CSMD1: variants seen among roughly 807,000 people sequenced by gnomAD.
The protein encoded by CSMD1 is CUB and sushi domain-containing protein 1.
CSMD1 carries 213 observed loss-of-function variants against 417.5 expected under a neutral mutation model. The ratio of observed to expected loss-of-function variants is 0.51; its 90% CI spans 0.46 to 0.57. The LOEUF (loss-of-function observed/expected upper bound fraction) is 0.57. Among genes scored for constraint, CSMD1 ranks in the 20% least tolerant of loss-of-function variants. The probability of loss-of-function intolerance (pLI) is 0.00; values close to 1 mark genes in which losing one functional copy is unlikely to be tolerated. For synonymous variants in CSMD1, 2,862 were observed against 1,736.8 expected (o/e 1.65, Z -16.11); for missense variants, 6,923 against 4,529.7 (o/e 1.53, Z -15.17).
At chr8:4,203,209 T>A (rs141658958) in intron 3 of CSMD1, among the ~76,000 whole-genome samples, 69 of 152,284 alleles carry the variant, frequency 4.5e-4, no homozygotes, top group African/African-American at 1.6e-3. Flanking sequence ...CTTGCTGGCT[T>A]TGAAGATGGA....
rs138028328 is a variant in CSMD1, at chr8:4,539,340, C to T, written c.302+98002G>A. ...ACATTTTCAGTCTAAATAGACTTCC[C>T]AATCTCTTTCACTAAGCCCATGGAT... On this transcript the variant is annotated intron_variant, in intron 2 of 69. Coordinates refer to ENST00000635120, the MANE Select transcript of CSMD1 (RefSeq NM_033225.6). 1.2e-4 allele frequency among the ~76,000 whole-genome samples: 18 copies of T among 152,258 alleles called. No homozygotes were observed. In the East Asian group the frequency reaches 3.5e-3, roughly 29 times the overall value.
chr8:3,558,410 C>G (rs113935996), intron 10 of CSMD1, among the ~76,000 whole-genome samples: 2 of 67,036 alleles, frequency 3.0e-5, no homozygotes, highest in African/African-American at 1.0e-4. Context: ...CAATGATGAA[C>G]GGTGCCTCAA....
At chr8:3,950,424 G>A (rs555079993) in intron 5 of CSMD1, among the ~76,000 whole-genome samples, 1 of 152,200 alleles carries the variant, frequency 6.6e-6, no homozygotes, top group Non-Finnish European at 1.5e-5. Flanking sequence ...AGTAGCAGAA[G>A]AGAGGTTCTT....
chr8:4,626,025 A>T (rs2724957), intron 2 of CSMD1, among the ~76,000 whole-genome samples: 108,658 of 151,990 alleles, frequency 0.71, 39,184 homozygotes, highest in South Asian at 0.81. Flanking sequence ...TGCTTGGCCA[A>T]CCTTGATATA....
At chr8:3,244,961 T>G (rs1428046808) in intron 26 of CSMD1, among the ~76,000 whole-genome samples, 1 of 152,116 alleles carries the variant, frequency 6.6e-6, no homozygotes, top group African/African-American at 2.4e-5. Context: ...TGAAGTTATT[T>G]TTTGGCTATT....
At chr8:3,870,977 G>T (rs1170109962) in intron 5 of CSMD1, among the ~76,000 whole-genome samples, 1 of 150,508 alleles carries the variant, frequency 6.6e-6, no homozygotes, top group Non-Finnish European at 1.5e-5. Context: ...TTAAATATAA[G>T]TTAATTTTTT....
rs1202546180 is a variant in CSMD1 at position 4,044,679 on chromosome 8, C to T, written c.416-12580G>A. 6.3e-5 allele frequency among the ~76,000 whole-genome samples: 5 copies of T among 79,158 alleles called. No individual in the cohort carries two copies. The East Asian group carries it at 1.3e-3, about 21-fold the overall frequency. 51.9% of individuals were successfully genotyped at this position (79,158 alleles called of 152,430 possible). ...CACCCTGGGCGTGTACCACCCTGGC[C>T]ACCTACAATCCTGGCTGCGTACAAC... On this transcript the variant is annotated intron_variant, in intron 3 of 69. Transcript: ENST00000635120.
chr8:3,562,358 G>A (rs1799503803), intron 10 of CSMD1, among the ~76,000 whole-genome samples: 1 of 72,488 alleles, frequency 1.4e-5, no homozygotes, highest in African/African-American at 6.5e-5. Context: ...ATTGCTAATG[G>A]GACACACACA....
chr8:3,571,653 C>T (rs973159068), intron 10 of CSMD1, among the ~76,000 whole-genome samples: 2 of 151,956 alleles, frequency 1.3e-5, no homozygotes, highest in African/African-American at 2.4e-5. Context: ...CGGTGTTCTG[C>T]GCTCCCCGAG....
intron 1 of CSMD1, among the ~76,000 whole-genome samples, chr8:4,784,765 A>C (rs1797314482): frequency 6.6e-6 from 1 of 152,220 alleles, no homozygotes; most frequent in Admixed American, 6.5e-5. Context: ...AAGATCTTAA[A>C]CACAATTCTC....
chr8:4,974,992 A>T (rs76017808), intron 1 of CSMD1, among the ~76,000 whole-genome samples: 2,686 of 152,300 alleles, frequency 0.018, 66 homozygotes, highest in African/African-American at 0.061. Context: ...TTAGTCTGTG[A>T]GAAAATGGAT....
At chr8:3,988,622 C>T (rs970615399) in intron 5 of CSMD1, among the ~76,000 whole-genome samples, 4 of 152,110 alleles carry the variant, frequency 2.6e-5, no homozygotes, top group South Asian at 2.1e-4. Flanking sequence ...TGGAGAGGAA[C>T]GTTTAATAGA....
rs184979449 is a variant in CSMD1, at chr8:4,193,450, T to A, written c.416-161351A>T. 2.6e-5 allele frequency among the ~76,000 whole-genome samples: 4 copies of A among 151,888 alleles called. No homozygotes were observed. The East Asian group carries it at 7.7e-4, about 29-fold the overall frequency. On this transcript the variant is annotated intron_variant, in intron 3 of 69. Coordinates refer to ENST00000635120, the MANE Select transcript of CSMD1 (RefSeq NM_033225.6). Reference sequence around the variant, plus strand: ...TTCACATCCAGGTACCCATGCCAGGTCATGTTTTCCCTGGATGGAATGATG... The same window carrying A: ...TTCACATCCAGGTACCCATGCCAGGACATGTTTTCCCTGGATGGAATGATG...
chr8:3,655,959 T>A (rs1798079706), intron 7 of CSMD1, among the ~76,000 whole-genome samples: 1 of 152,098 alleles, frequency 6.6e-6, no homozygotes, highest in Admixed American at 6.5e-5. Context: ...CTGATTCCTG[T>A]CCCACCTGGC....
intron 46 of CSMD1, among the ~76,000 whole-genome samples, chr8:3,101,140 G>A (rs17390295): frequency 0.041 from 6,154 of 150,612 alleles, 153 homozygotes; most frequent in Admixed American, 0.069. Context: ...GAAACCTGAC[G>A]TTGAAGACCT....
intron 10 of CSMD1, among the ~76,000 whole-genome samples, chr8:3,540,531 T>A (rs964535125): frequency 6.6e-6 from 1 of 152,064 alleles, no homozygotes. Context: ...AACTGACAAA[T>A]GGGATCTAAT....
At chr8:4,131,230 T>C (rs534528896) in intron 3 of CSMD1, among the ~76,000 whole-genome samples, 1 of 152,178 alleles carries the variant, frequency 6.6e-6, no homozygotes, top group African/African-American at 2.4e-5. Context: ...GTATACGGCA[T>C]GTGGTGTGGC....
rs2623655 is a variant in CSMD1, at chr8:3,777,844, T to G, written c.819-23802A>C. On this transcript the variant is annotated intron_variant, in intron 5 of 69. Coordinates refer to ENST00000635120, the MANE Select transcript of CSMD1 (RefSeq NM_033225.6). ...CTCCAGACCCGCAGCCTCCTTGAAGTGCAGAGTCTCAGTTCCCACTCCAGA... is the reference window on the plus strand; with the variant it reads ...CTCCAGACCCGCAGCCTCCTTGAAGGGCAGAGTCTCAGTTCCCACTCCAGA... Among the ~76,000 whole-genome samples, 14 of 105,882 alleles carry G rather than the reference T, an allele frequency of 1.3e-4. No individual in the cohort carries two copies. In the East Asian group the frequency reaches 2.7e-3, roughly 21 times the overall value. 69.5% of individuals were successfully genotyped at this position (105,882 alleles called of 152,430 possible). A position where few individuals can be genotyped will look rare whatever the true frequency, so the allele number is the denominator to read the frequency against.
At position 4,733,177 on chromosome 8, in the gene CSMD1, A is replaced by G. The variant is rs1810014176; in HGVS notation, c.86-95619T>C. Among the ~76,000 whole-genome samples, 4 of 152,332 alleles carry G rather than the reference A, an allele frequency of 2.6e-5. No individual in the cohort carries two copies. In the South Asian group the frequency reaches 6.2e-4, roughly 24 times the overall value. ...TCAGTCAATGTCTACCAAGTACTGA[A>G]AAAAGCGAAACCATGTTGAACATTA... is the stretch of plus-strand genomic sequence containing the variant. On this transcript the variant is annotated intron_variant, in intron 1 of 69. Transcript: ENST00000635120.
Sources: allele counts gnomAD v4.1 joint callset (sites outside exome capture counted in the v4.1 genomes callset), GRCh38; gene constraint gnomAD v4.1.1; transcripts MANE v1.5; gene names NCBI Gene and HGNC (gene_info 2026-07-23, HGNC 2026-07-21).